The following ARSG variants were observed in gnomAD, a reference collection of about 807,000 sequenced individuals.
ARSG encodes the protein ASG.
In ARSG, 37 loss-of-function variants were observed where a neutral mutation model predicts 50.5. The ratio of observed to expected loss-of-function variants is 0.73; its 90% CI spans 0.56 to 0.96. The LOEUF is 0.96. ARSG is among the 50% of genes least tolerant of loss of function. The probability of loss-of-function intolerance (pLI) is 0.00; values close to 1 mark genes in which losing one functional copy is unlikely to be tolerated. For synonymous variants in ARSG, 225 were observed against 254.6 expected (o/e 0.88, Z 1.11); for missense variants, 629 against 675.3 (o/e 0.93, Z 0.76).
chr17:68,267,717 G>A (rs181003132), intron 1 of ARSG: 4 of 151,684 alleles, frequency 2.6e-5, no homozygotes, highest in South Asian at 2.1e-4. Flanking sequence ...AACTGCTAAC[G>A]TGAGCAATAC....
chr17:68,262,483 A>G (rs577470002), intron 1 of ARSG, among the ~76,000 whole-genome samples: 1 of 147,174 alleles, frequency 6.8e-6, no homozygotes, highest in African/African-American at 2.5e-5. Flanking sequence ...ACCCCCCCAG[A>G]AAAAGAGCCA....
At chr17:68,329,085 G>C (rs1336831728) in intron 2 of ARSG, among the ~76,000 whole-genome samples, 1 of 152,210 alleles carries the variant, frequency 6.6e-6, no homozygotes, top group Non-Finnish European at 1.5e-5. Context: ...TGCTGCTGCG[G>C]GTGTAGCCGG....
At chr17:68,441,526 G>A in the ARSG span, among the ~76,000 whole-genome samples, 1 of 152,120 alleles carries the variant, frequency 6.6e-6, no homozygotes, top group Non-Finnish European at 1.5e-5. Context: ...AACAGATAAG[G>A]CGACTCCTGG....
At chr17:68,260,098 G>T (rs1472420232) in intron 1 of ARSG, among the ~76,000 whole-genome samples, 1 of 152,142 alleles carries the variant, frequency 6.6e-6, no homozygotes, top group Non-Finnish European at 1.5e-5. Flanking sequence ...CAAGGGCCTG[G>T]TATTGTCTTC....
chr17:68,287,378 T>G (rs868923787), upstream of ARSG, among the ~76,000 whole-genome samples: 67 of 152,082 alleles, frequency 4.4e-4, no homozygotes, highest in African/African-American at 1.5e-3. Context: ...TAGGCTGGTC[T>G]GGAACTCCCG....
At chr17:68,334,186 C>G (rs1406453219) in intron 2 of ARSG, among the ~76,000 whole-genome samples, 1 of 152,164 alleles carries the variant, frequency 6.6e-6, no homozygotes, top group Non-Finnish European at 1.5e-5. Flanking sequence ...GATTTGGTTT[C>G]AAGGCCAGGC....
intron 4 of ARSG, among the ~76,000 whole-genome samples, chr17:68,348,274 TTC>T (rs1467792559): frequency 1.3e-5 from 2 of 152,172 alleles, no homozygotes; most frequent in African/African-American, 4.8e-5. Flanking sequence ...GTCTTCAGTT[TTC>T]TCACTTGACA....
chr17:68,402,951 A>C (rs1261350752), intron 11 of ARSG, among the ~76,000 whole-genome samples: 1 of 152,250 alleles, frequency 6.6e-6, no homozygotes, highest in African/African-American at 2.4e-5. Context: ...AAAACAAAAA[A>C]TAAAAAAAGG....
At chr17:68,390,875 C>A (rs1007286267) in intron 9 of ARSG, among the ~76,000 whole-genome samples, 1 of 151,630 alleles carries the variant, frequency 6.6e-6, no homozygotes, top group Non-Finnish European at 1.5e-5. Context: ...GATTCACCCT[C>A]CTCAGCCTCC....
At chr17:68,304,292 C>T (rs1316786714) in intron 1 of ARSG, among the ~76,000 whole-genome samples, 2 of 152,228 alleles carry the variant, frequency 1.3e-5, no homozygotes, top group South Asian at 2.1e-4. Flanking sequence ...GGCTCTTTCT[C>T]CTGAAAAGGG....
chr17:68,329,114 G>C (rs532240539), intron 2 of ARSG, among the ~76,000 whole-genome samples: 1 of 152,342 alleles, frequency 6.6e-6, no homozygotes, highest in Admixed American at 6.5e-5. Flanking sequence ...GACCTCCCCA[G>C]GAGGTGAAAT....
chr17:68,317,156 TG>T (rs2077098969), intron 2 of ARSG, among the ~76,000 whole-genome samples: 1 of 152,130 alleles, frequency 6.6e-6, no homozygotes, highest in Non-Finnish European at 1.5e-5. Context: ...GAAAGGAATC[TG>T]GGGGAAGAAA....
chr17:68,269,059 C>G, intron 1 of ARSG: 1 of 1,586,834 alleles, frequency 6.3e-7, no homozygotes, highest in Non-Finnish European at 8.6e-7. Context: ...CCATCCCTCT[C>G]CAGCCAACAC....
rs1173565482 is a variant in ARSG, at chr17:68,307,571, C to T, written c.78C>T (p.Cys26=). The change falls in exon 2 of 12, where the codon TGC becomes TGT. Residue 26 remains cysteine, a synonymous_variant. Transcript: ENST00000621439. ...SGFLYPLVDF[C]ISGKTRGQKP... The stretch of plus-strand genomic sequence containing the variant: ...TTCTTTATCCTCTTGTGGATTTTTG[C>T]ATCAGTGGGAAAACAAGAGGACAGA... 1 of 1,614,042 alleles carries T rather than the reference C, an allele frequency of 6.2e-7. No homozygotes were observed. Among genetic ancestry groups the T allele is most frequent in the Non-Finnish European group, 8.5e-7 (1 of 1,179,982 alleles).
At chr17:68,413,988 G>A (rs186758188) in intron 11 of ARSG, 23 of 155,012 alleles carry the variant, frequency 1.5e-4, no homozygotes, top group Middle Eastern at 3.2e-3. Flanking sequence ...CACGGTGCGC[G>A]CACCCACTGA....
At chr17:68,265,220 A>G (rs2075134618) in intron 1 of ARSG, among the ~76,000 whole-genome samples, 1 of 149,718 alleles carries the variant, frequency 6.7e-6, no homozygotes, top group South Asian at 2.1e-4. Context: ...AATGTCGGGC[A>G]CGGTGACTCA....
rs1568506886 is a variant in ARSG at position 68,352,142 on chromosome 17, GGAGAGAGAGAGAGAGAGAGAC to G, written c.566+457_566+477del. ...GAGGAGAGAGAGAGAGAGAGACAGA[GGAGAGAGAGAGAGAGAGAGAC>G]AGAGAGAGAGAGAGAGAGAGACAGA... is the stretch of plus-strand genomic sequence containing the variant. On this transcript the variant is annotated intron_variant, in intron 5 of 11. Transcript: ENST00000621439. Among the ~76,000 whole-genome samples the G allele has an allele frequency of 1.2e-4, 10 of 84,062 alleles. 1 individual carries two copies. The highest frequency in any genetic ancestry group is 2.3e-4 in the African/African-American group (5 of 21,742). 55.1% of individuals were successfully genotyped at this position (84,062 alleles called of 152,430 possible). A position where few individuals can be genotyped will look rare whatever the true frequency, so the allele number is the denominator to read the frequency against.
chr17:68,382,501 TGG>T (rs2080486240), intron 8 of ARSG, among the ~76,000 whole-genome samples: 1 of 152,324 alleles, frequency 6.6e-6, no homozygotes, highest in South Asian at 2.1e-4. Flanking sequence ...TATCCATTAG[TGG>T]GAGCAGGTAT....
intron 11 of ARSG, among the ~76,000 whole-genome samples, chr17:68,412,865 T>C (rs1318879833): frequency 6.6e-6 from 1 of 152,148 alleles, no homozygotes; most frequent in Non-Finnish European, 1.5e-5. Flanking sequence ...CTTCATTTCA[T>C]TCATTTCATC....
Sources: gnomAD v4.1 joint callset for allele counts (sites outside exome capture counted in the v4.1 genomes callset) on GRCh38, gnomAD v4.1.1 for gene constraint, MANE v1.5 for transcripts, NCBI Gene and HGNC (gene_info 2026-07-23, HGNC 2026-07-21) for gene names.